Variants in ACO1 observed in about 807,000 individuals in gnomAD.
The protein encoded by ACO1 is aconitase 1.
ACO1 carries 78 observed loss-of-function variants against 105.1 expected under a neutral mutation model. The observed-to-expected ratio is 0.74, with a 90% CI of 0.62 to 0.90. ACO1 has a LOEUF of 0.90. ACO1 is among the 40% of genes least tolerant of loss of function. The pLI is 0.00. For missense variants in ACO1, 965 were observed against 1,111.1 expected (o/e 0.87, Z 1.87); for synonymous variants, 364 against 397.4 (o/e 0.92, Z 1.00).
chr9:32,416,493 C>T (rs1371708130), intron 4 of ACO1, among the ~76,000 whole-genome samples: 2 of 152,164 alleles, frequency 1.3e-5, no homozygotes, highest in East Asian at 1.9e-4. Flanking sequence ...CGTCATCCTT[C>T]AGACCACATT....
chr9:32,424,901 C>G (rs922252301), intron 10 of ACO1, among the ~76,000 whole-genome samples: 1 of 135,320 alleles, frequency 7.4e-6, no homozygotes, highest in Non-Finnish European at 1.6e-5. Context: ...TTTCACAGGA[C>G]CCTCACCACA....
chr9:32,425,486 T>C (rs1241161283), intron 10 of ACO1, among the ~76,000 whole-genome samples: 2 of 152,256 alleles, frequency 1.3e-5, no homozygotes, highest in African/African-American at 4.8e-5. Flanking sequence ...AACTGTACAA[T>C]AATGTCATTG....
chr9:32,418,562 G>A, intron 6 of ACO1, 51 bp downstream of exon 6: 1 of 1,539,336 alleles, frequency 6.5e-7, no homozygotes. Context: ...TTAATTCACT[G>A]TGATTCTATT....
At position 32,436,315 on chromosome 9, in the gene ACO1, G is replaced by A. The variant is rs80241842; in HGVS notation, c.2165G>A (p.Gly722Glu). The A allele has an allele frequency of 1.9e-6, 3 of 1,614,180 alleles. No individual in the cohort carries two copies. The highest frequency in any genetic ancestry group is 2.5e-6 in the Non-Finnish European group (3 of 1,180,018). ...RRGNDAVMAR[G>E]TFANIRLLNR... ...GGTAATGACGCCGTCATGGCACGGGGAACATTTGCCAACATTCGCTTGTTA... is the reference window on the plus strand; with the variant it reads ...GGTAATGACGCCGTCATGGCACGGGAAACATTTGCCAACATTCGCTTGTTA... Residue 722 changes from glycine (G) to glutamate (E), a missense_variant, in exon 18 of 21, where the codon GGA becomes GAA. By Grantham distance (98) the Gly-to-Glu change is moderately conservative. Transcript: ENST00000309951.
chr9:32,420,857 A>T lies in ACO1; in HGVS notation c.800A>T (p.His267Leu). Residue 267 changes from histidine to leucine, a missense_variant and splice_region_variant, in exon 8 of 21, where the codon CAC becomes CTC. Transcript: ENST00000309951. ...TTTTCTGTTGTTTCTGCTGCTTAGCACCTCCGCCAGGTTGGGGTAGTGGGC... is the reference window on the plus strand; with the variant it reads ...TTTTCTGTTGTTTCTGCTGCTTAGCTCCTCCGCCAGGTTGGGGTAGTGGGC... The part of the protein sequence containing the change: ...STDIVLTITK[H>L]LRQVGVVGKF... 1 of 1,612,858 alleles carries T rather than the reference A, an allele frequency of 6.2e-7. No individual in the cohort carries two copies. The highest frequency in any genetic ancestry group is 1.1e-5 in the South Asian group (1 of 91,000).
chr9:32,448,375 C>T (rs938220431), intron 19 of ACO1, among the ~76,000 whole-genome samples: 1 of 152,242 alleles, frequency 6.6e-6, no homozygotes, highest in African/African-American at 2.4e-5. Context: ...CCCCTCTGCC[C>T]ACCAAGCTCG....
rs370738336 is a variant in ACO1 at position 32,420,966 on chromosome 9, C to T, written c.909C>T (p.Tyr303=). Residue 303 remains tyrosine (Y), a synonymous_variant, in exon 8 of 21, where the codon TAC becomes TAT. Coordinates refer to ENST00000309951, the MANE Select transcript of ACO1 (RefSeq NM_002197.3). ...RATIANMCPE[Y]GATAAFFPVD... ...CGATTGCTAACATGTGTCCAGAGTA[C>T]GGAGCAACTGCTGCCTTTTTCCCAG... The T allele has an allele frequency of 1.3e-5, 21 of 1,613,988 alleles. No individual in the cohort carries two copies. Among genetic ancestry groups the T allele is most frequent in the East Asian group, 2.2e-5 (1 of 44,888 alleles).
chr9:32,420,806 T>G (rs1821955730), intron 7 of ACO1, 50 bp from the exon 8 acceptor site: 2 of 1,585,586 alleles, frequency 1.3e-6, no homozygotes, highest in South Asian at 1.1e-5. Flanking sequence ...TTCTGCATTT[T>G]GAATGTGGGC....
Position 32,448,930 on chromosome 9 carries a change from G to C in ACO1, c.2405G>C (p.Arg802Pro). ...GCCGTCCTGGCCGAGAGCTACGAGC[G>C]CATTCACCGCAGTAACCTGGTTGGG... ...IKAVLAESYE[R>P]IHRSNLVGMG... The change falls in exon 20 of 21, where the codon CGC becomes CCC. Residue 802 changes from arginine to proline, a missense_variant. Transcript: ENST00000309951. 1.2e-6 allele frequency: 2 copies of C among 1,614,198 alleles called. No homozygotes were observed.
At chr9:32,402,331 T>C (rs1821515395) in intron 1 of ACO1, among the ~76,000 whole-genome samples, 1 of 152,198 alleles carries the variant, frequency 6.6e-6, no homozygotes, top group Non-Finnish European at 1.5e-5. Context: ...AAAAACACCA[T>C]ATATATTTAG....
In ACO1 at chr9:32,429,521, T is replaced by C. The variant is rs376534938; in HGVS notation, c.1569+18T>C. 6.6e-4 allele frequency: 1,054 copies of C among 1,607,572 alleles called. No individual in the cohort carries two copies. Among genetic ancestry groups the C allele is most frequent in the Non-Finnish European group, 7.8e-4 (916 of 1,174,770 alleles). The stretch of plus-strand genomic sequence containing the variant: ...TCACACAGGTAATTGCAGAGGTCCC[T>C]GCAGGTCTTCAGAGCAGTTGTTTCT... On this transcript the variant is annotated intron_variant, in intron 13 of 20. Transcript: ENST00000309951.
intron 1 of ACO1, among the ~76,000 whole-genome samples, chr9:32,385,406 A>T (rs553784951): frequency 2.6e-5 from 4 of 152,220 alleles, no homozygotes; most frequent in African/African-American, 7.2e-5. Flanking sequence ...GGTACTCAGT[A>T]CTCCTTTACA....
intron 1 of ACO1, among the ~76,000 whole-genome samples, chr9:32,405,115 G>T (rs111390548): frequency 0.3 from 45,692 of 152,138 alleles, 7,111 homozygotes; most frequent in South Asian, 0.36. Context: ...GTGAGACGTA[G>T]TTCCCAGGAA....
Position 32,408,718 on chromosome 9 carries a change from A to T in ACO1, c.404+67A>T, listed in dbSNP as rs1021081102. ...AAAATCTTTGAACACGAATCTTTTTAAAATGTGTATATGTAGTTAAAGAAG... is the reference window on the plus strand; with the variant it reads ...AAAATCTTTGAACACGAATCTTTTTTAAATGTGTATATGTAGTTAAAGAAG... On this transcript the variant is annotated intron_variant, in intron 4 of 20. Coordinates refer to ENST00000309951, the MANE Select transcript of ACO1 (RefSeq NM_002197.3). 6 of 1,560,250 alleles carry T rather than the reference A, an allele frequency of 3.8e-6. No individual in the cohort carries two copies. The African/African-American group carries it at 4.1e-5, about 11-fold the overall frequency.
chr9:32,405,220 A>G (rs1821583958), intron 1 of ACO1, among the ~76,000 whole-genome samples: 1 of 152,192 alleles, frequency 6.6e-6, no homozygotes, highest in Non-Finnish European at 1.5e-5. Context: ...CTGCACTAGC[A>G]ATCCAGGAAG....
At chr9:32,403,617 A>G (rs1251685744) in intron 1 of ACO1, among the ~76,000 whole-genome samples, 1 of 152,214 alleles carries the variant, frequency 6.6e-6, no homozygotes, top group Admixed American at 6.5e-5. Context: ...TTTGGTCCCC[A>G]CTGCATAATG....
intron 1 of ACO1, among the ~76,000 whole-genome samples, chr9:32,404,050 G>C (rs766978184): frequency 2.0e-5 from 3 of 152,032 alleles, no homozygotes; most frequent in African/African-American, 7.3e-5. Context: ...TCCTTCTGCA[G>C]ATAAGCTAGC....
chr9:32,447,495 T>C (rs568413170), intron 19 of ACO1, among the ~76,000 whole-genome samples: 2 of 152,328 alleles, frequency 1.3e-5, no homozygotes, highest in Non-Finnish European at 2.9e-5. Flanking sequence ...TTGGCTTCCT[T>C]ACATTGGGTT....
At position 32,431,273 on chromosome 9, in the gene ACO1, T is replaced by C. The variant is rs77046215; in HGVS notation, c.1727-446T>C. ...CTCTGACTTCTTGTTTCAGCTCTCC[T>C]GCGATATATAAGGATCCTTTTCTTG... On this transcript the variant is annotated intron_variant, in intron 14 of 20. Coordinates refer to ENST00000309951, the MANE Select transcript of ACO1 (RefSeq NM_002197.3). 3.2e-3 allele frequency among the ~76,000 whole-genome samples: 488 copies of C among 152,330 alleles called. 1 individual carries two copies. The highest frequency in any genetic ancestry group is 0.011 in the African/African-American group (469 of 41,576).
Sources: allele counts gnomAD v4.1 joint callset (sites outside exome capture counted in the v4.1 genomes callset), GRCh38; gene constraint gnomAD v4.1.1; transcripts MANE v1.5; gene names NCBI Gene and HGNC (gene_info 2026-07-23, HGNC 2026-07-21).